The following RUNX3 variants were observed in gnomAD, a reference collection of about 807,000 sequenced individuals.
The protein encoded by RUNX3 is runt-related transcription factor 3.
A neutral mutation model predicts 27.7 loss-of-function variants in RUNX3; 10 were observed. That is an observed-to-expected ratio of 0.36 (90% CI 0.22 to 0.61). The LOEUF (loss-of-function observed/expected upper bound fraction) is 0.61. RUNX3 is among the 20% of genes least tolerant of loss of function. The pLI is 0.72. For missense variants in RUNX3, 469 were observed against 629.5 expected (o/e 0.75, Z 2.73); for synonymous variants, 270 against 269.2 (o/e 1.00, Z -0.03).
At chr1:24,919,760 C>A (rs189355888) in intron 2 of RUNX3, among the ~76,000 whole-genome samples, 20 of 152,096 alleles carry the variant, frequency 1.3e-4, no homozygotes, top group East Asian at 3.9e-4. Flanking sequence ...ACACCCCCCC[C>A]CCACGGTTCC....
chr1:24,963,153 G>C (rs920571264), intron 2 of RUNX3: 1 of 152,466 alleles, frequency 6.6e-6, no homozygotes, highest in Non-Finnish European at 1.5e-5. Flanking sequence ...TTCACTCCCC[G>C]ACTCAGTCCC....
At chr1:24,948,630 T>C (rs1404803342) in intron 2 of RUNX3, among the ~76,000 whole-genome samples, 2 of 115,020 alleles carry the variant, frequency 1.7e-5, no homozygotes, top group South Asian at 2.9e-4. Context: ...GATGGGTGCA[T>C]GTCGGGGAGG....
At chr1:24,939,346 C>T (rs1641421528) in intron 2 of RUNX3, among the ~76,000 whole-genome samples, 1 of 152,218 alleles carries the variant, frequency 6.6e-6, no homozygotes, top group Non-Finnish European at 1.5e-5. Context: ...ACAGTGCAGC[C>T]ACAGGTGCAA....
upstream of RUNX3, chr1:24,930,297 GGGGT>G: frequency 1.0e-6 from 1 of 952,586 alleles, no homozygotes; most frequent in Non-Finnish European, 1.2e-6. The surrounding 1 kb of genome is among the most constrained non-coding windows in gnomAD (Gnocchi z 4.1). Context: ...CCGCCCGCGC[GGGGT>G]TAGTACCCCC....
In RUNX3 at chr1:24,929,663, G is replaced by A. The variant is rs1389699292; in HGVS notation, c.206C>T (p.Thr69Ile). 6 of 1,601,190 alleles carry A rather than the reference G, an allele frequency of 3.7e-6. No homozygotes were observed. Among genetic ancestry groups the A allele is most frequent in the Non-Finnish European group, 5.1e-6 (6 of 1,177,028 alleles). Residue 69 changes from threonine to isoleucine, a missense_variant, in exon 1 of 5, where the codon ACC (threonine) becomes ATC (isoleucine). By Grantham distance (89) the Thr-to-Ile change is moderately conservative. Around this residue, in one of 3 missense-constraint regions of RUNX3, gnomAD observed 115 missense variants for 118.0 expected, o/e 0.97. Transcript: ENST00000308873. The stretch of plus-strand genomic sequence containing the variant: ...GGAGCAGAGGAAGTTGGGGCTGTCG[G>A]TGCGCACGAGCTCGCCTGCGTGGTC... ...LADHAGELVR[T>I]DSPNFLCSVL... is the part of the protein sequence containing the mutation.
chr1:24,963,150 C>T (rs1642163933), intron 2 of RUNX3: 1 of 152,564 alleles, frequency 6.6e-6, no homozygotes, highest in Non-Finnish European at 1.5e-5. Flanking sequence ...CCCTTCACTC[C>T]CCGACTCAGT....
At chr1:24,942,109 C>T (rs779825812) in intron 2 of RUNX3, among the ~76,000 whole-genome samples, 5 of 152,154 alleles carry the variant, frequency 3.3e-5, no homozygotes, top group African/African-American at 7.2e-5. Flanking sequence ...CTTGCCCCTG[C>T]CCCCATCCGT....
intron 4 of RUNX3, among the ~76,000 whole-genome samples, chr1:24,906,426 C>T (rs1032040391): frequency 1.8e-4 from 27 of 152,354 alleles, no homozygotes; most frequent in South Asian, 6.2e-4. Flanking sequence ...TCTGTCCACC[C>T]GGCCACCAAG....
intron 2 of RUNX3, among the ~76,000 whole-genome samples, chr1:24,924,617 T>C (rs1286807331): frequency 3.9e-5 from 6 of 152,188 alleles, no homozygotes; most frequent in African/African-American, 1.4e-4. Flanking sequence ...GGCTTCTGCA[T>C]GGAGGGCATT....
At chr1:24,947,331 G>C (rs74469016) in intron 2 of RUNX3, among the ~76,000 whole-genome samples, 1,979 of 152,326 alleles carry the variant, frequency 0.013, 35 homozygotes, top group African/African-American at 0.045. Context: ...CAGGTCCTGT[G>C]CCTGTTTTTT....
At position 24,930,203 on chromosome 1, in the gene RUNX3, G is replaced by A. The variant is rs2124309719; in HGVS notation, c.-335C>T. The A allele has an allele frequency of 1.0e-5, 10 of 980,984 alleles. No individual in the cohort carries two copies. The highest frequency in any genetic ancestry group is 1.1e-5 in the Non-Finnish European group (9 of 828,000). The allele number at this position is 980,984 out of a possible 1,614,324, so 60.8% of individuals were successfully genotyped here. ...GGCTGTGCCGCTGCCGCCGCCTCCC[G>A]CCCCGAAGCTCGCCCGCGGCCGCCC... On this transcript the variant is annotated 5_prime_UTR_variant, in exon 1 of 5. Transcript: ENST00000308873. The surrounding 1 kb of genome is among the most constrained non-coding windows in gnomAD (Gnocchi z 4.1).
At chr1:24,952,978 G>A (rs1641805411) in intron 2 of RUNX3, among the ~76,000 whole-genome samples, 1 of 151,834 alleles carries the variant, frequency 6.6e-6, no homozygotes, top group Non-Finnish European at 1.5e-5. Flanking sequence ...AGCATTGAAT[G>A]CTTTAAAAAC....
rs1034692345 is a variant in RUNX3, at chr1:24,927,025, AGCTGT to A, written c.439+544_439+548del. The stretch of plus-strand genomic sequence containing the variant: ...CTGGGGCAGGAGATGGCAGCCTTCG[AGCTGT>A]GCTTTCCAACATTCAGCTGCGTTAG... On this transcript the variant is annotated intron_variant, in intron 2 of 4. Transcript: ENST00000308873. This position sits in a 1 kb window ranked among gnomAD's most constrained non-coding sequence, Gnocchi z 5.0. Among the ~76,000 whole-genome samples, 5 of 151,050 alleles carry A rather than the reference AGCTGT, an allele frequency of 3.3e-5. No homozygotes were observed. The highest frequency in any genetic ancestry group is 1.2e-4 in the African/African-American group (5 of 40,830).
Position 24,902,638 on chromosome 1 carries a change from G to C in RUNX3, c.732C>G (p.Asp244Glu). 1 of 1,527,148 alleles carries C rather than the reference G, an allele frequency of 6.5e-7. No homozygotes were observed. The highest frequency in any genetic ancestry group is 8.8e-7 in the Non-Finnish European group (1 of 1,134,708). The allele number at this position is 1,527,148 out of a possible 1,614,324, so 94.6% of individuals were successfully genotyped here. ...QGTSELNPFS[D>E]PRQFDRSFPT... is the part of the protein sequence containing the mutation. ...GGAAGGAGCGGTCAAACTGGCGGGG[G>C]TCGGAGAATGGGTTCAGTTCCGAGG... The change falls in exon 5 of 5, where the codon GAC becomes GAG. Residue 244 changes from aspartate (D) to glutamate (E), a missense_variant. Transcript: ENST00000308873. This position sits in a 1 kb window ranked among gnomAD's most constrained non-coding sequence, Gnocchi z 9.2.
intron 2 of RUNX3, among the ~76,000 whole-genome samples, chr1:24,938,368 C>T (rs766171525): frequency 1.3e-5 from 2 of 152,144 alleles, no homozygotes; most frequent in African/African-American, 4.8e-5. Flanking sequence ...AAACCGAGGC[C>T]CAGGAAGGAT....
rs1642131743 is a variant in RUNX3 at position 24,962,198 on chromosome 1, T to A, written c.58+2316A>T. Reference sequence around the variant, plus strand: ...CCGCGGGGTCTTGTCACTCAGTGAGTTCTTGAAGAGGCACAGACAAATGGA... The same window carrying A: ...CCGCGGGGTCTTGTCACTCAGTGAGATCTTGAAGAGGCACAGACAAATGGA... On this transcript the variant is annotated intron_variant, in intron 2 of 6. Transcript: ENST00000338888. The surrounding 1 kb of genome is among the most constrained non-coding windows in gnomAD (Gnocchi z 4.5). 1 of 152,138 alleles carries A rather than the reference T, an allele frequency of 6.6e-6. No individual in the cohort carries two copies. Among genetic ancestry groups the A allele is most frequent in the African/African-American group, 2.4e-5 (1 of 41,406 alleles). The allele number at this position is 152,138 out of a possible 1,614,324, so 9.4% of individuals were successfully genotyped here. A position where few individuals can be genotyped will look rare whatever the true frequency, so the allele number is the denominator to read the frequency against.
At chr1:24,940,609 C>A (rs1279184140) in intron 2 of RUNX3, among the ~76,000 whole-genome samples, 2 of 152,084 alleles carry the variant, frequency 1.3e-5, no homozygotes, top group Non-Finnish European at 2.9e-5. Context: ...ATACAAAAAT[C>A]ATAGCTAGGC....
chr1:24,924,347 C>T (rs1161686555), intron 2 of RUNX3, among the ~76,000 whole-genome samples: 1 of 151,796 alleles, frequency 6.6e-6, no homozygotes, highest in Non-Finnish European at 1.5e-5. Context: ...GGCGACAGAG[C>T]GAGACCTTGT....
intron 2 of RUNX3, among the ~76,000 whole-genome samples, chr1:24,960,375 C>T (rs1156236677): frequency 6.6e-6 from 1 of 152,224 alleles, no homozygotes; most frequent in Non-Finnish European, 1.5e-5. Context: ...TGAAGTAACT[C>T]ATGCAGGTGA....
Sources: allele counts gnomAD v4.1 joint callset (sites outside exome capture counted in the v4.1 genomes callset), GRCh38; gene constraint gnomAD v4.1.1; regional missense constraint gnomAD v4.1.1; non-coding constraint Gnocchi (gnomAD v3.1); transcripts MANE v1.5; gene names NCBI Gene and HGNC (gene_info 2026-07-23, HGNC 2026-07-21).